ADAM2: variants seen among roughly 807,000 people sequenced by gnomAD.
ADAM2 encodes disintegrin and metalloproteinase domain-containing protein 2.
ADAM2 carries 101 observed loss-of-function variants against 99.3 expected under a neutral mutation model. The ratio of observed to expected loss-of-function variants is 1.02; its 90% CI spans 0.87 to 1.20. The LOEUF (loss-of-function observed/expected upper bound fraction) is 1.20, where lower values mean the gene tolerates loss of function less well. Ranked by LOEUF, ADAM2 falls within the 50% of genes most tolerant of loss-of-function variation. The pLI, the probability that ADAM2 is intolerant of heterozygous loss-of-function variation, is 0.00. For missense variants in ADAM2, 948 were observed against 878.7 expected, an observed-to-expected ratio of 1.08 and a Z score of -1.00; for synonymous variants, 323 against 287.6, an observed-to-expected ratio of 1.12 and a Z score of -1.25.
chr8:39,771,234 A>G (rs1332514048), intron 11 of ADAM2, among the ~76,000 whole-genome samples: 3 of 152,134 alleles, frequency 2.0e-5, no homozygotes, highest in Non-Finnish European at 4.4e-5. Flanking sequence ...CCTTTCATTC[A>G]TTTCACATGT....
chr8:39,819,914 G>A (rs747240496), intron 6 of ADAM2, among the ~76,000 whole-genome samples: 15 of 152,122 alleles, frequency 9.9e-5, no homozygotes, highest in Admixed American at 2.6e-4. Flanking sequence ...CCAGGAATGA[G>A]GTGCCAAGAA....
chr8:39,802,498 T>C (rs1804261236), intron 7 of ADAM2, among the ~76,000 whole-genome samples: 1 of 152,192 alleles, frequency 6.6e-6, no homozygotes, highest in Non-Finnish European at 1.5e-5. Context: ...ACCTATAAAC[T>C]GAACTGAATC....
intron 16 of ADAM2, among the ~76,000 whole-genome samples, chr8:39,752,418 T>C (rs1166410270): frequency 1.3e-5 from 2 of 152,122 alleles, no homozygotes; most frequent in Admixed American, 6.5e-5. Flanking sequence ...GTAGAAAATT[T>C]TATGGCATTT....
At chr8:39,816,545 C>A (rs1308234619) in intron 6 of ADAM2, among the ~76,000 whole-genome samples, 1 of 152,056 alleles carries the variant, frequency 6.6e-6, no homozygotes, top group Admixed American at 6.6e-5. Flanking sequence ...AAAGTAGAAA[C>A]AACCAATTTG....
In ADAM2 at chr8:39,838,123, C is replaced by G. The variant is rs764651011; in HGVS notation, c.55+8G>C. 6.2e-7 allele frequency: 1 copy of G among 1,614,074 alleles called. No homozygotes were observed. ...CCAAAAGGCCAGAGGAGGGGTTTTT[C>G]TGCTTACTACTGTCCATCCGCAGCC... On this transcript the variant is annotated splice_region_variant and intron_variant, in intron 1 of 20. Transcript: ENST00000265708.
At chr8:39,770,585 A>C (rs1269487540) in intron 11 of ADAM2, among the ~76,000 whole-genome samples, 1 of 152,210 alleles carries the variant, frequency 6.6e-6, no homozygotes, top group Non-Finnish European at 1.5e-5. Context: ...TCCTTGTAAA[A>C]GATTTTAAAA....
chr8:39,836,310 A>T (rs965549915), intron 2 of ADAM2, among the ~76,000 whole-genome samples: 1 of 152,136 alleles, frequency 6.6e-6, no homozygotes, highest in Non-Finnish European at 1.5e-5. Flanking sequence ...ACTATTATTA[A>T]CATCTCCATA....
Position 39,767,151 on chromosome 8 carries a change from A to T in ADAM2, c.1311+2T>A. On this transcript the variant is annotated splice_donor_variant, in intron 13 of 20. Coordinates refer to ENST00000265708, the MANE Select transcript of ADAM2 (RefSeq NM_001464.5). LOFTEE classifies it high-confidence loss of function. ...TATTGAAATTTTTCAAAAAGCTCTT[A>T]CTAGACAGTTTTCGCAGCATGGTCC... The T allele has an allele frequency of 6.2e-7, 1 of 1,605,888 alleles. No individual in the cohort carries two copies. The highest frequency in any genetic ancestry group is 8.5e-7 in the Non-Finnish European group (1 of 1,177,972).
intron 1 of ADAM2, among the ~76,000 whole-genome samples, chr8:39,837,677 G>T (rs571439209): frequency 5.3e-4 from 80 of 152,162 alleles, no homozygotes; most frequent in African/African-American, 1.9e-3. Flanking sequence ...GAGCCACCGT[G>T]CCCGGCCATA....
intron 7 of ADAM2, among the ~76,000 whole-genome samples, chr8:39,801,460 GTC>G (rs1467661499): frequency 4.6e-4 from 70 of 152,294 alleles, no homozygotes; most frequent in African/African-American, 1.5e-3. Context: ...TCTATAGGGG[GTC>G]TGACAACCCC....
chr8:39,814,262 G>C (rs1947535035), intron 6 of ADAM2, among the ~76,000 whole-genome samples: 1 of 152,070 alleles, frequency 6.6e-6, no homozygotes, highest in Non-Finnish European at 1.5e-5. Context: ...AGGAGGCTGA[G>C]GCAGGAGAAT....
At chr8:39,801,783 G>A (rs1301857263) in intron 7 of ADAM2, among the ~76,000 whole-genome samples, 4 of 152,120 alleles carry the variant, frequency 2.6e-5, no homozygotes, top group Admixed American at 6.5e-5. Flanking sequence ...GACCTAGAGA[G>A]GCACGCTGGC....
At chr8:39,781,127 A>G (rs1490695342) in intron 10 of ADAM2, among the ~76,000 whole-genome samples, 1 of 151,492 alleles carries the variant, frequency 6.6e-6, no homozygotes, top group African/African-American at 2.4e-5. Context: ...TTTGGATTTG[A>G]TACAGTTTCA....
At chr8:39,814,386 C>T (rs1461678210) in intron 6 of ADAM2, among the ~76,000 whole-genome samples, 1 of 151,374 alleles carries the variant, frequency 6.6e-6, no homozygotes, top group African/African-American at 2.4e-5. Flanking sequence ...CCACAATAGC[C>T]AAGCCATTTT....
At chr8:39,831,095 ATC>A (rs1805597790) in intron 3 of ADAM2, among the ~76,000 whole-genome samples, 1 of 152,136 alleles carries the variant, frequency 6.6e-6, no homozygotes, top group South Asian at 2.1e-4. Context: ...TAAGAAATAA[ATC>A]TCTGTTATTT....
At chr8:39,773,342 A>G (rs1802857723) in intron 11 of ADAM2, among the ~76,000 whole-genome samples, 2 of 151,872 alleles carry the variant, frequency 1.3e-5, no homozygotes, top group African/African-American at 4.8e-5. Context: ...GTTTACACAA[A>G]AAGAAGGGAG....
intron 12 of ADAM2, among the ~76,000 whole-genome samples, chr8:39,768,333 A>G (rs1330684499): frequency 1.3e-5 from 2 of 152,190 alleles, no homozygotes; most frequent in Non-Finnish European, 2.9e-5. Context: ...GGAAGGCTAC[A>G]TGAGTGACCA....
At chr8:39,777,199 T>C (rs746753021) in intron 10 of ADAM2, 38 bp from the exon 11 acceptor site, 8 of 1,548,580 alleles carry the variant, frequency 5.2e-6, no homozygotes, top group South Asian at 1.2e-5. Flanking sequence ...TTTGGGAGAT[T>C]ATTTTGTTTA....
chr8:39,795,042 C>T (rs1227055910), intron 7 of ADAM2, among the ~76,000 whole-genome samples: 1 of 151,844 alleles, frequency 6.6e-6, no homozygotes, highest in African/African-American at 2.4e-5. Context: ...ACTTTATCTA[C>T]TAAAAAAAAA....
Sources: allele counts gnomAD v4.1 joint callset (sites outside exome capture counted in the v4.1 genomes callset), GRCh38; gene constraint gnomAD v4.1.1; transcripts MANE v1.5; gene names NCBI Gene and HGNC (gene_info 2026-07-23, HGNC 2026-07-21).